OR10J1: variants seen among roughly 807,000 people sequenced by gnomAD.
The protein encoded by OR10J1 is olfactory receptor 10J1.
For synonymous variants in OR10J1, 202 were observed against 143.8 expected (o/e 1.40, Z -2.89); for missense variants, 474 against 376.6 (o/e 1.26, Z -2.14).
the OR10J1 span, among the ~76,000 whole-genome samples, chr1:159,413,421 A>C: frequency 2.0e-5 from 3 of 151,998 alleles, no homozygotes; most frequent in African/African-American, 7.3e-5. Flanking sequence ...TCACAATAGC[A>C]AAGACTTGGA....
the OR10J1 span, among the ~76,000 whole-genome samples, chr1:159,421,391 TGGCAAATTTCTTTTTGATTTGG>T: frequency 6.6e-6 from 1 of 152,206 alleles, no homozygotes; most frequent in Non-Finnish European, 1.5e-5. Context: ...TTTGGGGATT[TGGCAAATTTCTTTTTGATTTGG>T]ATCTCTTGCT....
the OR10J1 span, among the ~76,000 whole-genome samples, chr1:159,430,669 G>GTGTGTGTGCACA: frequency 1.5e-4 from 3 of 20,158 alleles, no homozygotes; most frequent in Non-Finnish European, 4.6e-4. Context: ...GTGTGTGTGT[G>GTGTGTGTGCACA]CGCGCGCGCA....
the OR10J1 span, among the ~76,000 whole-genome samples, chr1:159,411,761 TG>T: frequency 1.3e-5 from 2 of 152,286 alleles, no homozygotes; most frequent in Non-Finnish European, 2.9e-5. Flanking sequence ...CTGGTTATTT[TG>T]CTCATTAGTT....
the OR10J1 span, among the ~76,000 whole-genome samples, chr1:159,420,216 C>T: frequency 6.6e-6 from 1 of 152,070 alleles, no homozygotes; most frequent in South Asian, 2.1e-4. Flanking sequence ...ACGCTTCTTT[C>T]CTGGTAAGAT....
the OR10J1 span, among the ~76,000 whole-genome samples, chr1:159,409,088 T>C: frequency 6.6e-6 from 1 of 152,124 alleles, no homozygotes; most frequent in East Asian, 1.9e-4. Flanking sequence ...GAGCCTATAT[T>C]GCTCTGTGCA....
the OR10J1 span, among the ~76,000 whole-genome samples, chr1:159,404,740 C>A: frequency 6.6e-6 from 1 of 152,104 alleles, no homozygotes. Flanking sequence ...AGATCCAAAT[C>A]CTATCACTAC....
chr1:159,436,792 C>G (rs565834067), upstream of OR10J1, among the ~76,000 whole-genome samples: 3 of 152,230 alleles, frequency 2.0e-5, no homozygotes, highest in Non-Finnish European at 2.9e-5. Context: ...TTCAAATACT[C>G]TTTTGTAATC....
chr1:159,418,626 G>A, the OR10J1 span, among the ~76,000 whole-genome samples: 4 of 152,210 alleles, frequency 2.6e-5, no homozygotes, highest in Non-Finnish European at 5.9e-5. Flanking sequence ...TGCTTGGGCA[G>A]TGTGGCAGGA....
At chr1:159,411,762 G>C in the OR10J1 span, among the ~76,000 whole-genome samples, 4 of 152,108 alleles carry the variant, frequency 2.6e-5, no homozygotes, top group African/African-American at 9.6e-5. Flanking sequence ...TGGTTATTTT[G>C]CTCATTAGTT....
At chr1:159,413,626 C>G in the OR10J1 span, among the ~76,000 whole-genome samples, 38 of 144,076 alleles carry the variant, frequency 2.6e-4, no homozygotes, top group Non-Finnish European at 1.0e-4. Context: ...ACTCATAGGT[C>G]GGAATTGAAC....
chr1:159,429,395 C>T, the OR10J1 span, among the ~76,000 whole-genome samples: 1 of 152,154 alleles, frequency 6.6e-6, no homozygotes, highest in Admixed American at 6.5e-5. Context: ...CAGAGAGACC[C>T]TGGAGTGTGA....
the OR10J1 span, among the ~76,000 whole-genome samples, chr1:159,408,659 T>A: frequency 6.6e-6 from 1 of 151,932 alleles, no homozygotes; most frequent in South Asian, 2.1e-4. Context: ...TCATTCCACC[T>A]GGGCAAAGTC....
At chr1:159,432,865 A>C (rs557316601), upstream of OR10J1, 1 of 414,044 alleles carries the variant, frequency 2.4e-6, no homozygotes, top group East Asian at 3.4e-5. Context: ...CCTATGTCCT[A>C]ATTGTCACCA....
In OR10J1 at chr1:159,440,394, C is replaced by T. The variant is rs769502705; in HGVS notation, c.603C>T (p.Ile201=). The T allele has an allele frequency of 3.1e-6, 5 of 1,614,012 alleles. No individual in the cohort carries two copies. Among genetic ancestry groups the T allele is most frequent in the Non-Finnish European group, 4.2e-6 (5 of 1,180,014 alleles). ...TTVNEILTLI[I]SVLVLVVPMG... ...TCAATGAAATCCTGACTTTGATTAT[C>T]AGTGTGCTGGTGCTTGTTGTACCTA... The change falls in exon 1 of 1, where the codon ATC becomes ATT. Residue 201 remains isoleucine, a synonymous_variant. Coordinates refer to ENST00000423932, the MANE Select transcript of OR10J1 (RefSeq NM_012351.3).
the OR10J1 span, among the ~76,000 whole-genome samples, chr1:159,423,869 C>CAT: frequency 1.3e-5 from 2 of 152,066 alleles, no homozygotes; most frequent in African/African-American, 4.8e-5. Flanking sequence ...GAAACACACC[C>CAT]AGAACTTTCA....
the OR10J1 span, among the ~76,000 whole-genome samples, chr1:159,417,005 TTTTG>T: frequency 2.6e-5 from 4 of 152,074 alleles, no homozygotes; most frequent in East Asian, 5.8e-4. Flanking sequence ...AGTTTATTGA[TTTTG>T]TTTATCTATT....
the OR10J1 span, among the ~76,000 whole-genome samples, chr1:159,420,041 A>G: frequency 1.3e-5 from 2 of 151,924 alleles, no homozygotes; most frequent in Non-Finnish European, 2.9e-5. Context: ...TTTATATCCC[A>G]TTGCTGAATT....
In OR10J1 at chr1:159,440,520, C is replaced by T; in HGVS notation, c.729C>T (p.His243=). ...AGGCTTTTGCCACCTGTGCATCCCA[C>T]CTCACTGTGGTCATTGTCCACTACA... The part of the protein sequence containing the change: ...RKKAFATCAS[H]LTVVIVHYSC... The change falls in exon 1 of 1, where the codon CAC becomes CAT. Residue 243 remains histidine (H), a synonymous_variant. Coordinates refer to ENST00000423932, the MANE Select transcript of OR10J1 (RefSeq NM_012351.3). 1 of 1,614,120 alleles carries T rather than the reference C, an allele frequency of 6.2e-7. No homozygotes were observed. The highest frequency in any genetic ancestry group is 1.3e-5 in the African/African-American group (1 of 75,008).
chr1:159,431,486 A>C, the OR10J1 span, among the ~76,000 whole-genome samples: 1 of 152,180 alleles, frequency 6.6e-6, no homozygotes, highest in Admixed American at 6.5e-5. Context: ...GTCCCTTTGC[A>C]CTGGCCTTTG....
Sources: gnomAD v4.1 joint callset for allele counts (sites outside exome capture counted in the v4.1 genomes callset) on GRCh38, gnomAD v4.1.1 for gene constraint, MANE v1.5 for transcripts, NCBI Gene and HGNC (gene_info 2026-07-23, HGNC 2026-07-21) for gene names.